Variants in MAML1 observed in about 807,000 individuals in gnomAD.
MAML1 encodes the protein mastermind like transcriptional coactivator 1.
In MAML1, 14 loss-of-function variants were observed where a neutral mutation model predicts 77.1. That is an observed-to-expected ratio of 0.18 (90% CI 0.12 to 0.28). MAML1 has a LOEUF of 0.28. Among genes scored for constraint, MAML1 ranks in the 10% least tolerant of loss-of-function variants. The pLI is 1.00. For missense variants in MAML1, 1,217 were observed against 1,327.8 expected, an observed-to-expected ratio of 0.92 and a Z score of 1.30; for synonymous variants, 516 against 551.9, an observed-to-expected ratio of 0.93 and a Z score of 0.91.
At chr5:179,763,790 A>AG (rs1156620251) in intron 1 of MAML1, among the ~76,000 whole-genome samples, 1 of 151,364 alleles carries the variant, frequency 6.6e-6, no homozygotes, top group African/African-American at 2.4e-5. Context: ...AAGCTAGCAC[A>AG]GGGGGCTCCC....
At position 179,765,642 on chromosome 5, in the gene MAML1, G is replaced by T. The variant is rs768909571; in HGVS notation, c.632G>T (p.Ser211Ile). 7.4e-6 allele frequency: 12 copies of T among 1,614,070 alleles called. No homozygotes were observed. The Admixed American group carries it at 1.8e-4, about 25-fold the overall frequency. The change falls in exon 2 of 5, where the codon AGC (serine) becomes ATC (isoleucine). Residue 211 changes from serine (S) to isoleucine (I), a missense_variant. Coordinates refer to ENST00000292599, the MANE Select transcript of MAML1 (RefSeq NM_014757.5). Reference protein sequence around the residue: ...GSNPSESFPLSLNKELKQEPV... With the variant: ...GSNPSESFPLILNKELKQEPV... ...AACCCCAGTGAGTCATTTCCTCTGAGCCTGAATAAAGAACTGAAGCAGGAG... is the reference window on the plus strand; with the variant it reads ...AACCCCAGTGAGTCATTTCCTCTGATCCTGAATAAAGAACTGAAGCAGGAG...
intron 4 of MAML1, among the ~76,000 whole-genome samples, chr5:179,773,289 C>T (rs1441236711): frequency 2.0e-5 from 3 of 152,250 alleles, no homozygotes; most frequent in Non-Finnish European, 4.4e-5. Flanking sequence ...ATCCCGGCCA[C>T]GGCCAGTCTC....
intron 1 of MAML1, among the ~76,000 whole-genome samples, chr5:179,736,174 A>G (rs998484033): frequency 2.0e-5 from 3 of 152,240 alleles, no homozygotes; most frequent in South Asian, 2.1e-4. Context: ...CTCTCCTCCT[A>G]TACACTAACT....
chr5:179,761,653 C>T (rs1779728474), intron 1 of MAML1, among the ~76,000 whole-genome samples: 1 of 152,118 alleles, frequency 6.6e-6, no homozygotes, highest in Non-Finnish European at 1.5e-5. Flanking sequence ...CGAGATTGCA[C>T]CATTGCACTC....
At chr5:179,770,988 C>T in intron 3 of MAML1, 159 bp from the exon 4 acceptor site, 1 of 603,954 alleles carries the variant, frequency 1.7e-6, no homozygotes. Context: ...CTGTTTCATA[C>T]TATTTAAAAA....
At chr5:179,763,058 G>A (rs1319744202) in intron 1 of MAML1, among the ~76,000 whole-genome samples, 1 of 152,198 alleles carries the variant, frequency 6.6e-6, no homozygotes, top group Non-Finnish European at 1.5e-5. Flanking sequence ...GACTCATCAA[G>A]TGCCTTGACC....
At chr5:179,762,813 G>C (rs994128598) in intron 1 of MAML1, among the ~76,000 whole-genome samples, 16 of 152,264 alleles carry the variant, frequency 1.1e-4, no homozygotes, top group African/African-American at 1.7e-4. Flanking sequence ...ATCTGCCGGG[G>C]CCACCACATT....
Position 179,769,206 on chromosome 5 carries a change from T to C in MAML1, c.1971+117T>C, listed in dbSNP as rs1581946646. The C allele has an allele frequency of 7.1e-7, 1 of 1,411,684 alleles. No individual in the cohort carries two copies. The highest frequency in any genetic ancestry group is 9.7e-7 in the Non-Finnish European group (1 of 1,032,996). 87.4% of individuals were successfully genotyped at this position (1,411,684 alleles called of 1,614,324 possible). ...GATTTGCGCAGACTTGCGTGCCTGTTGTTAGAGTGCTTTGCCTTTTAAAAA... is the reference window on the plus strand; with the variant it reads ...GATTTGCGCAGACTTGCGTGCCTGTCGTTAGAGTGCTTTGCCTTTTAAAAA... On this transcript the variant is annotated intron_variant, in intron 3 of 4. Coordinates refer to ENST00000292599, the MANE Select transcript of MAML1 (RefSeq NM_014757.5). The surrounding 1 kb of genome is among the most constrained non-coding windows in gnomAD (Gnocchi z 4.2).
At position 179,760,893 on chromosome 5, in the gene MAML1, C is replaced by T. The variant is rs1444038102; in HGVS notation, c.316-4433C>T. 3.3e-5 allele frequency among the ~76,000 whole-genome samples: 5 copies of T among 151,498 alleles called. No individual in the cohort carries two copies. In the East Asian group the frequency reaches 5.9e-4, roughly 18 times the overall value. On this transcript the variant is annotated intron_variant, in intron 1 of 4. Coordinates refer to ENST00000292599, the MANE Select transcript of MAML1 (RefSeq NM_014757.5). ...GATCACAAGGTCAGGAGATCGAGAC[C>T]ATCCTGGCTAACACAGTGAAACCCC...
chr5:179,747,374 A>G (rs1779401533), intron 1 of MAML1, among the ~76,000 whole-genome samples: 1 of 152,186 alleles, frequency 6.6e-6, no homozygotes, highest in Non-Finnish European at 1.5e-5. Context: ...TGGTAGAGGT[A>G]AGGCAGGAGG....
intron 1 of MAML1, among the ~76,000 whole-genome samples, chr5:179,760,289 G>A (rs1779702820): frequency 6.6e-6 from 1 of 152,058 alleles, no homozygotes; most frequent in Admixed American, 6.6e-5. Context: ...CCTCTGGTGA[G>A]GGGATCAGCA....
intron 1 of MAML1, among the ~76,000 whole-genome samples, chr5:179,761,571 T>A (rs969672674): frequency 1.3e-5 from 2 of 152,130 alleles, no homozygotes; most frequent in Admixed American, 6.6e-5. Context: ...GGTGCACGCC[T>A]GTAATCCCCG....
At chr5:179,756,073 C>G (rs532836340) in intron 1 of MAML1, among the ~76,000 whole-genome samples, 1 of 151,182 alleles carries the variant, frequency 6.6e-6, no homozygotes, top group African/African-American at 2.4e-5. Context: ...AGTTTTTCTT[C>G]TTTCAGTGTG....
chr5:179,762,040 G>C (rs1779733995), intron 1 of MAML1, among the ~76,000 whole-genome samples: 1 of 152,170 alleles, frequency 6.6e-6, no homozygotes, highest in Admixed American at 6.6e-5. Context: ...GCTAGAAAGG[G>C]GCATTGGCTG....
At chr5:179,773,198 A>ACACGCCATCCACAGCTCTTCC (rs1170721928) in intron 4 of MAML1, among the ~76,000 whole-genome samples, 1 of 152,098 alleles carries the variant, frequency 6.6e-6, no homozygotes, top group Non-Finnish European at 1.5e-5. Flanking sequence ...CCCGTTCTTC[A>ACACGCCATCCACAGCTCTTCC]CACGCCATCC....
intron 1 of MAML1, among the ~76,000 whole-genome samples, chr5:179,741,084 A>G (rs1175004553): frequency 6.6e-6 from 1 of 152,076 alleles, no homozygotes. Context: ...TCCAAAATGG[A>G]CTTTCCCTTT....
chr5:179,776,779 GCTC>G lies in MAML1; in HGVS notation c.*1906_*1908del. The G allele has an allele frequency of 1.0e-6, 1 of 985,942 alleles. No individual in the cohort carries two copies. Among genetic ancestry groups the G allele is most frequent in the Non-Finnish European group, 1.2e-6 (1 of 830,004 alleles). 61.1% of individuals were successfully genotyped at this position (985,942 alleles called of 1,614,324 possible). A position where few individuals can be genotyped will look rare whatever the true frequency, so the allele number is the denominator to read the frequency against. On this transcript the variant is annotated 3_prime_UTR_variant, in exon 5 of 5. Transcript: ENST00000292599. ...TCCTGGGGCCGGCGACACAGTGGGG[GCTC>G]CTCACTTGCTGCAGTGTCATAGCAA...
intron 1 of MAML1, among the ~76,000 whole-genome samples, chr5:179,762,587 C>G (rs944041726): frequency 1.8e-4 from 27 of 152,322 alleles, no homozygotes; most frequent in African/African-American, 6.3e-4. Flanking sequence ...GCTGAGCACC[C>G]AGAAGTACCA....
chr5:179,754,606 T>A (rs1398848445), intron 1 of MAML1, among the ~76,000 whole-genome samples: 2 of 151,224 alleles, frequency 1.3e-5, no homozygotes, highest in Non-Finnish European at 2.9e-5. Flanking sequence ...AAAAAAAAAA[T>A]GTGAAATTGA....
Sources: allele counts gnomAD v4.1 joint callset (sites outside exome capture counted in the v4.1 genomes callset), GRCh38; gene constraint gnomAD v4.1.1; non-coding constraint Gnocchi (gnomAD v3.1); transcripts MANE v1.5; gene names NCBI Gene and HGNC (gene_info 2026-07-23, HGNC 2026-07-21).